Variants in QDPR observed in about 807,000 individuals in gnomAD.
The protein encoded by QDPR is dihydropteridine reductase.
QDPR carries 23 observed loss-of-function variants against 31.7 expected under a neutral mutation model. That is an observed-to-expected ratio of 0.73 (90% CI 0.52 to 1.03). The LOEUF (loss-of-function observed/expected upper bound fraction) is 1.03. Ranked by LOEUF, QDPR falls within the 50% of genes least tolerant of loss-of-function variation. The pLI, the probability that QDPR is intolerant of heterozygous loss-of-function variation, is 0.00. For missense variants in QDPR, 324 were observed against 323.8 expected (o/e 1.00, Z 0.00); for synonymous variants, 124 against 124.7 (o/e 0.99, Z 0.03).
chr4:17,496,759 T>C (rs1718375847), intron 4 of QDPR, among the ~76,000 whole-genome samples: 2 of 147,140 alleles, frequency 1.4e-5, no homozygotes, highest in Admixed American at 1.4e-4. Flanking sequence ...CCTCAGCCTC[T>C]TTTTTTGTTT....
intron 4 of QDPR, among the ~76,000 whole-genome samples, chr4:17,499,561 A>G (rs1718486108): frequency 6.6e-6 from 1 of 152,196 alleles, no homozygotes; most frequent in Non-Finnish European, 1.5e-5. Context: ...TAAGAAATGG[A>G]AGAAGAAAAT....
chr4:17,507,098 A>G (rs556381043), intron 2 of QDPR, among the ~76,000 whole-genome samples: 12 of 152,328 alleles, frequency 7.9e-5, no homozygotes, highest in African/African-American at 2.6e-4. Context: ...TAAAAACCAG[A>G]TAAGGATCAT....
intron 4 of QDPR, among the ~76,000 whole-genome samples, chr4:17,493,438 C>G (rs1420875195): frequency 6.6e-6 from 1 of 152,144 alleles, no homozygotes; most frequent in Non-Finnish European, 1.5e-5. Context: ...CTCACAAGAC[C>G]TACCCTACTT....
chr4:17,492,372 C>T (rs748813371), intron 4 of QDPR, 32 bp from the exon 5 acceptor site: 25 of 1,552,246 alleles, frequency 1.6e-5, no homozygotes, highest in Non-Finnish European at 2.2e-5. Context: ...GCTCAGTGAC[C>T]ACTGGCGGCC....
chr4:17,497,032 AGCCATCGCGCCC>A (rs1718384903), intron 4 of QDPR, among the ~76,000 whole-genome samples: 1 of 152,132 alleles, frequency 6.6e-6, no homozygotes, highest in Non-Finnish European at 1.5e-5. Context: ...TACAGGCATG[AGCCATCGCGCCC>A]TGCCAAATTA....
At chr4:17,496,900 G>A (rs895612320) in intron 4 of QDPR, among the ~76,000 whole-genome samples, 2 of 152,110 alleles carry the variant, frequency 1.3e-5, no homozygotes, top group African/African-American at 4.8e-5. Flanking sequence ...GGGATTACAG[G>A]TGACTGCCAC....
chr4:17,509,147 G>C, intron 2 of QDPR, 124 bp downstream of exon 2: 1 of 797,684 alleles, frequency 1.3e-6, no homozygotes, highest in South Asian at 1.5e-5. Context: ...GACAGAGCAA[G>C]ACTCCGTCTC....
intron 2 of QDPR, among the ~76,000 whole-genome samples, chr4:17,508,498 A>C (rs1261922222): frequency 6.6e-6 from 1 of 152,236 alleles, no homozygotes; most frequent in Non-Finnish European, 1.5e-5. Flanking sequence ...CATTCTTGAC[A>C]ATAGTAAAAC....
rs1400514067 is a variant in QDPR, at chr4:17,486,675, T to C, written c.*456A>G. 3 of 198,194 alleles carry C rather than the reference T, an allele frequency of 1.5e-5. No individual in the cohort carries two copies. Among genetic ancestry groups the C allele is most frequent in the Non-Finnish European group, 3.2e-5 (3 of 95,060 alleles). The allele number at this position is 198,194 out of a possible 1,614,324, so 12.3% of individuals were successfully genotyped here. On this transcript the variant is annotated 3_prime_UTR_variant, in exon 7 of 7. Transcript: ENST00000281243. ...GACAGAGTCCATGTAGTTTTGCTTA[T>C]ACCACAAAAGGAGTTAAGGCAGTTT...
intron 6 of QDPR, among the ~76,000 whole-genome samples, chr4:17,488,485 T>C (rs893478395): frequency 4.6e-5 from 7 of 151,988 alleles, no homozygotes; most frequent in African/African-American, 1.7e-4. Context: ...AAATGTTAAA[T>C]ACAGTAACAG....
chr4:17,511,995 G>C lies in QDPR; in HGVS notation c.60C>G (p.Gly20=). The C allele has an allele frequency of 6.2e-7, 1 of 1,610,022 alleles. No individual in the cohort carries two copies. The highest frequency in any genetic ancestry group is 8.5e-7 in the Non-Finnish European group (1 of 1,178,900). ...ARRVLVYGGR[G]ALGSRCVQAF... is the part of the protein sequence containing the mutation. The stretch of plus-strand genomic sequence containing the variant: ...CCTGCACGCATCGAGAACCCAGAGC[G>C]CCCCTGCCGCCGTACACCAGCACCC... Residue 20 remains glycine, a synonymous_variant, in exon 1 of 7, where the codon GGC becomes GGG. Transcript: ENST00000281243.
rs747311750 is a variant in QDPR at position 17,496,442 on chromosome 4, C to CAAAAAAAAAAAAAAAA, written c.437-4118_437-4103dup. Among the ~76,000 whole-genome samples the CAAAAAAAAAAAAAAAA allele has an allele frequency of 1.6e-3, 106 of 64,596 alleles. 6 individuals are homozygous for CAAAAAAAAAAAAAAAA. Among genetic ancestry groups the CAAAAAAAAAAAAAAAA allele is most frequent in the Non-Finnish European group, 2.4e-3 (85 of 35,366 alleles). 42.4% of individuals were successfully genotyped at this position (64,596 alleles called of 152,430 possible). On this transcript the variant is annotated intron_variant, in intron 4 of 6. Coordinates refer to ENST00000281243, the MANE Select transcript of QDPR (RefSeq NM_000320.3). ...CTGGGCAATAAGGGCAAAACTGTCT[C>CAAAAAAAAAAAAAAAA]AAAAAAAAAAAAAAAAAAAAAAAAA...
chr4:17,489,088 C>T (rs538714566), intron 6 of QDPR, among the ~76,000 whole-genome samples: 3 of 152,222 alleles, frequency 2.0e-5, no homozygotes, highest in Non-Finnish European at 2.9e-5. Context: ...TGGTTTGCTG[C>T]GATGCATGTT....
At chr4:17,497,911 T>C (rs77303620) in intron 4 of QDPR, among the ~76,000 whole-genome samples, 6,819 of 152,254 alleles carry the variant, frequency 0.045, 228 homozygotes, top group African/African-American at 0.09. Context: ...TTCCTCCCAC[T>C]ATTCGATGGA....
At chr4:17,493,793 T>A (rs1216205735) in intron 4 of QDPR, among the ~76,000 whole-genome samples, 2 of 151,920 alleles carry the variant, frequency 1.3e-5, no homozygotes, top group South Asian at 2.1e-4. Flanking sequence ...TTCCAGGAGG[T>A]CGGTAGGTGG....
rs1264186858 is a variant in QDPR at position 17,487,372 on chromosome 4, G to A, written c.630-136C>T. 3 of 713,836 alleles carry A rather than the reference G, an allele frequency of 4.2e-6. No individual in the cohort carries two copies. In the African/African-American group the frequency reaches 5.3e-5, roughly 13 times the overall value. 44.2% of individuals were successfully genotyped at this position (713,836 alleles called of 1,614,324 possible). A position where few individuals can be genotyped will look rare whatever the true frequency, so the allele number is the denominator to read the frequency against. On this transcript the variant is annotated intron_variant, in intron 6 of 6. Coordinates refer to ENST00000281243, the MANE Select transcript of QDPR (RefSeq NM_000320.3). ...GACTGTTTAAAAGCCACTAAGGGCT[G>A]GGCGCCATGGCTCACACCTGTGATC...
intron 4 of QDPR, among the ~76,000 whole-genome samples, chr4:17,499,114 T>A (rs1470340414): frequency 6.6e-6 from 1 of 152,202 alleles, no homozygotes; most frequent in Non-Finnish European, 1.5e-5. Flanking sequence ...TTTAGATCCA[T>A]TGAGACATTT....
At chr4:17,506,813 A>G (rs1477431777) in intron 2 of QDPR, among the ~76,000 whole-genome samples, 1 of 152,168 alleles carries the variant, frequency 6.6e-6, no homozygotes, top group Non-Finnish European at 1.5e-5. Context: ...GAACAACAAA[A>G]ATGAAGTGCT....
At chr4:17,495,105 A>C (rs1455525509) in intron 4 of QDPR, among the ~76,000 whole-genome samples, 2 of 152,114 alleles carry the variant, frequency 1.3e-5, no homozygotes, top group African/African-American at 4.8e-5. Flanking sequence ...TCATATTATC[A>C]TAGATGATTC....
Sources: gnomAD v4.1 joint callset for allele counts (sites outside exome capture counted in the v4.1 genomes callset) on GRCh38, gnomAD v4.1.1 for gene constraint, MANE v1.5 for transcripts, NCBI Gene and HGNC (gene_info 2026-07-23, HGNC 2026-07-21) for gene names.